ATP8A2: variants seen among roughly 807,000 people sequenced by gnomAD.
The protein encoded by ATP8A2 is ATPase phospholipid transporting 8A2.
In ATP8A2, 100 loss-of-function variants were observed where a neutral mutation model predicts 165.6. The observed-to-expected ratio is 0.60, with a 90% CI of 0.51 to 0.71. The LOEUF is 0.71. Ranked by LOEUF, ATP8A2 falls within the 30% of genes least tolerant of loss-of-function variation. ATP8A2 has a pLI of 0.00. For synonymous variants in ATP8A2, 543 were observed against 548.8 expected, an observed-to-expected ratio of 0.99 and a Z score of 0.15; for missense variants, 1,227 against 1,479.5, an observed-to-expected ratio of 0.83 and a Z score of 2.80.
intron 35 of ATP8A2, among the ~76,000 whole-genome samples, chr13:25,981,499 G>A (rs1956169553): frequency 6.6e-6 from 1 of 152,148 alleles, no homozygotes; most frequent in East Asian, 1.9e-4. Context: ...TTACTAATCA[G>A]TGACCTATTT....
At chr13:25,805,535 T>G (rs549478798) in intron 27 of ATP8A2, among the ~76,000 whole-genome samples, 1 of 151,786 alleles carries the variant, frequency 6.6e-6, no homozygotes, top group Non-Finnish European at 1.5e-5. Flanking sequence ...AGAAAAAGAG[T>G]AACAAAGTAA....
At chr13:25,440,144 C>T (rs1289721261) in intron 1 of ATP8A2, among the ~76,000 whole-genome samples, 2 of 151,982 alleles carry the variant, frequency 1.3e-5, no homozygotes, top group African/African-American at 2.4e-5. Context: ...AAGAGCTCTA[C>T]ACAGATGCTG....
At chr13:25,554,022 A>G in intron 12 of ATP8A2, 102 bp downstream of exon 12, 2 of 1,302,560 alleles carry the variant, frequency 1.5e-6, no homozygotes, top group Non-Finnish European at 2.1e-6. Flanking sequence ...TTCATTTACC[A>G]TTAGGTCCAG....
intron 33 of ATP8A2, among the ~76,000 whole-genome samples, chr13:25,890,759 A>G (rs184958936): frequency 1.7e-4 from 26 of 152,368 alleles, no homozygotes; most frequent in Admixed American, 1.5e-3. Context: ...AATATCCCAT[A>G]GAGCTAAAGA....
intron 2 of ATP8A2, among the ~76,000 whole-genome samples, chr13:25,524,886 ACTTCCTTCCTTCCTTC>A (rs58154499): frequency 0.32 from 45,535 of 141,594 alleles, 8,332 homozygotes; most frequent in Middle Eastern, 0.44. Flanking sequence ...TTGTTTGATA[ACTTCCTTCCTTCCTTC>A]CTTCCTTCCT....
At chr13:25,768,078 G>GA (rs1207893412) in intron 25 of ATP8A2, among the ~76,000 whole-genome samples, 1 of 129,364 alleles carries the variant, frequency 7.7e-6, no homozygotes, top group African/African-American at 3.4e-5. Flanking sequence ...TGGTGGCGTG[G>GA]GGGGGGGGTG....
In ATP8A2 at chr13:25,416,631, G is replaced by A. The variant is rs376762481; in HGVS notation, c.76+44343G>A. Among the ~76,000 whole-genome samples, 44 of 152,124 alleles carry A rather than the reference G, an allele frequency of 2.9e-4. 3 individuals are homozygous for A. In the South Asian group the frequency reaches 6.2e-3, roughly 22 times the overall value. Reference sequence around the variant, plus strand: ...CTCCTTTACACAGATTCAAGAACCCGTATCACTCTCCCACCCAGTCCTCTC... The same window carrying A: ...CTCCTTTACACAGATTCAAGAACCCATATCACTCTCCCACCCAGTCCTCTC... On this transcript the variant is annotated intron_variant, in intron 1 of 36. Transcript: ENST00000381655.
At chr13:25,561,931 T>C (rs2039168024) in intron 15 of ATP8A2, among the ~76,000 whole-genome samples, 1 of 152,230 alleles carries the variant, frequency 6.6e-6, no homozygotes. Flanking sequence ...TTCATCCATG[T>C]TGTAGAATGT....
chr13:25,927,287 A>G (rs758097441), intron 33 of ATP8A2: 4 of 452,152 alleles, frequency 8.8e-6, no homozygotes, highest in South Asian at 6.2e-5. Context: ...TTTGTTGAAC[A>G]AAAGTCCATG....
At chr13:25,808,553 C>A (rs1293877078) in intron 27 of ATP8A2, among the ~76,000 whole-genome samples, 1 of 150,878 alleles carries the variant, frequency 6.6e-6, no homozygotes, top group Non-Finnish European at 1.5e-5. Flanking sequence ...GAACCGATAT[C>A]ATGCCACTGC....
chr13:25,598,311 A>G (rs1368407590), intron 24 of ATP8A2, among the ~76,000 whole-genome samples: 2 of 152,116 alleles, frequency 1.3e-5, no homozygotes, highest in Non-Finnish European at 2.9e-5. Context: ...TATTTTTTTT[A>G]AAGACTGTTT....
At chr13:25,450,494 T>G (rs188078264) in intron 1 of ATP8A2, among the ~76,000 whole-genome samples, 1 of 152,194 alleles carries the variant, frequency 6.6e-6, no homozygotes, top group African/African-American at 2.4e-5. Flanking sequence ...CTGTTATTTT[T>G]TTACTTTTTA....
At chr13:25,870,988 T>A (rs1952660697) in intron 33 of ATP8A2, among the ~76,000 whole-genome samples, 1 of 152,186 alleles carries the variant, frequency 6.6e-6, no homozygotes, top group Non-Finnish European at 1.5e-5. Flanking sequence ...CTCATTTTTT[T>A]AGTCCTTGTC....
At chr13:25,463,853 C>T (rs2035566843) in intron 1 of ATP8A2, among the ~76,000 whole-genome samples, 1 of 152,186 alleles carries the variant, frequency 6.6e-6, no homozygotes, top group African/African-American at 2.4e-5. Flanking sequence ...CCCCCTCATG[C>T]TTCTGTGGGT....
At chr13:25,597,815 G>A (rs1048785664) in intron 24 of ATP8A2, among the ~76,000 whole-genome samples, 2 of 152,040 alleles carry the variant, frequency 1.3e-5, no homozygotes. Flanking sequence ...CATAACTATA[G>A]AAAAGCAGTA....
At chr13:25,747,614 G>A (rs1191541563) in intron 25 of ATP8A2, among the ~76,000 whole-genome samples, 1 of 152,192 alleles carries the variant, frequency 6.6e-6, no homozygotes, top group East Asian at 1.9e-4. Flanking sequence ...AGCTCTGCAA[G>A]GGGTTTAGCA....
intron 1 of ATP8A2, among the ~76,000 whole-genome samples, chr13:25,433,937 A>G (rs1055292379): frequency 6.6e-6 from 1 of 152,188 alleles, no homozygotes; most frequent in African/African-American, 2.4e-5. Flanking sequence ...ACACATGGAC[A>G]TAAAGATGGA....
chr13:25,592,846 T>C (rs879739237), intron 24 of ATP8A2, among the ~76,000 whole-genome samples: 2 of 152,210 alleles, frequency 1.3e-5, no homozygotes, highest in Non-Finnish European at 2.9e-5. Context: ...ATGGGTGTTT[T>C]CCTGACTTGC....
chr13:25,524,504 A>G (rs56330149), intron 2 of ATP8A2, among the ~76,000 whole-genome samples: 10,678 of 152,164 alleles, frequency 0.07, 499 homozygotes, highest in African/African-American at 0.13. Flanking sequence ...CTCTTGCTTT[A>G]GATATATTAA....
Sources: gnomAD v4.1 joint callset for allele counts (sites outside exome capture counted in the v4.1 genomes callset) on GRCh38, gnomAD v4.1.1 for gene constraint, MANE v1.5 for transcripts, NCBI Gene and HGNC (gene_info 2026-07-23, HGNC 2026-07-21) for gene names.